UNC13C: variants seen among roughly 807,000 people sequenced by gnomAD.
UNC13C encodes unc-13 homolog C, also known as protein unc-13 homolog C.
UNC13C carries 174 observed loss-of-function variants against 245.4 expected under a neutral mutation model. The observed-to-expected ratio is 0.71, with a 90% CI of 0.63 to 0.80. The LOEUF (loss-of-function observed/expected upper bound fraction) is 0.80, where lower values mean the gene tolerates loss of function less well. UNC13C is among the 30% of genes least tolerant of loss of function. The pLI is 0.00. For missense variants in UNC13C, 2,829 were observed against 2,602.9 expected (o/e 1.09, Z -1.89); for synonymous variants, 992 against 895.1 (o/e 1.11, Z -1.93).
At chr15:54,252,611 A>C (rs548037314) in intron 8 of UNC13C, among the ~76,000 whole-genome samples, 1 of 152,308 alleles carries the variant, frequency 6.6e-6, no homozygotes, top group East Asian at 1.9e-4. Flanking sequence ...CTACAGAATC[A>C]GTGACATTAC....
At chr15:53,841,277 T>G in the UNC13C span, among the ~76,000 whole-genome samples, 1,021 of 152,270 alleles carry the variant, frequency 6.7e-3, 6 homozygotes, top group Non-Finnish European at 9.6e-3. Context: ...ACCAGTTTAT[T>G]TGACTCCAGA....
chr15:53,956,933 A>G, the UNC13C span, among the ~76,000 whole-genome samples: 10 of 133,348 alleles, frequency 7.5e-5, no homozygotes, highest in African/African-American at 2.7e-4. Context: ...TGTGTAAAAC[A>G]TGGCAGCTCT....
chr15:54,085,534 A>C (rs1280706305), intron 2 of UNC13C, among the ~76,000 whole-genome samples: 1 of 152,188 alleles, frequency 6.6e-6, no homozygotes, highest in Non-Finnish European at 1.5e-5. Flanking sequence ...TAGTAGAAAC[A>C]AATAAATATC....
chr15:54,566,867 C>T (rs528035620), intron 29 of UNC13C, among the ~76,000 whole-genome samples: 16 of 152,202 alleles, frequency 1.1e-4, no homozygotes, highest in South Asian at 4.1e-4. Context: ...TGACATATTT[C>T]GTTCTGTGCT....
intron 14 of UNC13C, among the ~76,000 whole-genome samples, chr15:54,328,321 T>G (rs1016072309): frequency 6.6e-6 from 1 of 152,092 alleles, no homozygotes; most frequent in African/African-American, 2.4e-5. Context: ...ATTACCAAAA[T>G]TGCCTATGCA....
chr15:53,965,188 AAGT>A, the UNC13C span, among the ~76,000 whole-genome samples: 3 of 152,168 alleles, frequency 2.0e-5, no homozygotes, highest in Admixed American at 6.5e-5. Context: ...TTAATGTAAA[AAGT>A]AGGCAAATTA....
chr15:54,133,643 T>C (rs942061001), intron 2 of UNC13C, among the ~76,000 whole-genome samples: 2 of 152,176 alleles, frequency 1.3e-5, no homozygotes, highest in African/African-American at 4.8e-5. Context: ...AGCAGCATTA[T>C]AGGGAGTACC....
chr15:54,626,728 C>T, intron 32 of UNC13C, 100 bp from the exon 33 acceptor site: 1 of 1,060,108 alleles, frequency 9.4e-7, no homozygotes, highest in Non-Finnish European at 1.3e-6. Flanking sequence ...ACATAATAAT[C>T]AGATCCAATG....
intron 4 of UNC13C, among the ~76,000 whole-genome samples, chr15:54,223,206 T>C (rs918828178): frequency 6.6e-5 from 10 of 152,180 alleles, no homozygotes; most frequent in Admixed American, 2.0e-4. Flanking sequence ...CATTTTCTTC[T>C]AGTAGTTTTA....
In UNC13C at chr15:54,171,084, C is replaced by T. The variant is rs908729714; in HGVS notation, c.3071+27400C>T. 6.6e-5 allele frequency among the ~76,000 whole-genome samples: 10 copies of T among 152,108 alleles called. 1 individual carries two copies. Among genetic ancestry groups the T allele is most frequent in the African/African-American group, 2.2e-4 (9 of 41,440 alleles). ...GTCAAATGTACACATGCTTATATAA[C>T]CAGCTGCCCAATAGAAATTCAGAAC... On this transcript the variant is annotated intron_variant, in intron 4 of 32. Coordinates refer to ENST00000260323, the MANE Select transcript of UNC13C (RefSeq NM_001080534.3).
At chr15:54,277,974 C>T (rs1233947207) in intron 10 of UNC13C, among the ~76,000 whole-genome samples, 3 of 152,052 alleles carry the variant, frequency 2.0e-5, no homozygotes, top group Non-Finnish European at 2.9e-5. Flanking sequence ...AAGTAGTAGC[C>T]GGTGCACAGT....
At chr15:54,617,782 G>C (rs1596687607) in intron 30 of UNC13C, among the ~76,000 whole-genome samples, 1 of 152,206 alleles carries the variant, frequency 6.6e-6, no homozygotes, top group East Asian at 1.9e-4. Flanking sequence ...TTACAGAACT[G>C]AATGTGGAGG....
At chr15:54,284,902 G>T (rs866981436) in intron 10 of UNC13C, among the ~76,000 whole-genome samples, 18 of 152,084 alleles carry the variant, frequency 1.2e-4, no homozygotes, top group African/African-American at 4.3e-4. Context: ...AGTTTATTCT[G>T]CAACTTTATC....
intron 1 of UNC13C, among the ~76,000 whole-genome samples, chr15:53,987,531 TTTGTTGTTG>T (rs145719556): frequency 6.6e-6 from 1 of 151,352 alleles, no homozygotes; most frequent in African/African-American, 2.4e-5. Context: ...AGACAGGCTT[TTTGTTGTTG>T]TTGTTGTTGT....
At chr15:54,194,734 G>A (rs2034296382) in intron 4 of UNC13C, among the ~76,000 whole-genome samples, 1 of 152,126 alleles carries the variant, frequency 6.6e-6, no homozygotes, top group South Asian at 2.1e-4. Context: ...AGGAGTATAA[G>A]AAAGGACATT....
chr15:54,414,608 T>C (rs2040480741), intron 18 of UNC13C, among the ~76,000 whole-genome samples: 2 of 152,070 alleles, frequency 1.3e-5, no homozygotes, highest in Middle Eastern at 3.4e-3. Context: ...AATGGCACCA[T>C]TGCACTCCAG....
chr15:53,907,733 A>G, the UNC13C span, among the ~76,000 whole-genome samples: 2 of 114,586 alleles, frequency 1.7e-5, 1 homozygote, highest in Non-Finnish European at 4.3e-5. Flanking sequence ...AGAATTATTC[A>G]GGTATTTCTC....
At chr15:54,474,620 C>T (rs1045806923) in intron 19 of UNC13C, among the ~76,000 whole-genome samples, 2 of 152,026 alleles carry the variant, frequency 1.3e-5, no homozygotes, top group African/African-American at 4.8e-5. Flanking sequence ...CAAATGTTTT[C>T]TCCCATTCTA....
At chr15:53,978,026 A>G (rs137962230), upstream of UNC13C, among the ~76,000 whole-genome samples, 249 of 152,322 alleles carry the variant, frequency 1.6e-3, 2 homozygotes, top group African/African-American at 5.9e-3. Context: ...TGTTAGCTGC[A>G]TTTGGTGGCT....
Sources: gnomAD v4.1 joint callset for allele counts (sites outside exome capture counted in the v4.1 genomes callset) on GRCh38, gnomAD v4.1.1 for gene constraint, MANE v1.5 for transcripts, NCBI Gene and HGNC (gene_info 2026-07-23, HGNC 2026-07-21) for gene names.